The following USH2A variants were observed in gnomAD, a reference collection of about 807,000 sequenced individuals.
The protein encoded by USH2A is usherin.
Under a neutral mutation model 538.9 loss-of-function variants are expected in USH2A, and 443 were observed. The observed-to-expected ratio is 0.82, with a 90% CI of 0.76 to 0.89. The LOEUF (loss-of-function observed/expected upper bound fraction) is 0.89, where lower values mean the gene tolerates loss of function less well. Among genes scored for constraint, USH2A ranks in the 40% least tolerant of loss-of-function variants. USH2A has a pLI of 0.00. For synonymous variants in USH2A, 2,413 were observed against 2,273.5 expected (o/e 1.06, Z -1.75); for missense variants, 6,633 against 6,324.8 (o/e 1.05, Z -1.65).
intron 58 of USH2A, among the ~76,000 whole-genome samples, chr1:215,748,887 A>G (rs1477014182): frequency 1.3e-5 from 2 of 152,224 alleles, no homozygotes; most frequent in Non-Finnish European, 2.9e-5. Flanking sequence ...TGACATCTCT[A>G]CAAGACAAAA....
At position 216,394,173 on chromosome 1, in the gene USH2A, A is replaced by G. The variant is rs1355648012; in HGVS notation, c.651+24341T>C. Among the ~76,000 whole-genome samples, 3 of 150,234 alleles carry G rather than the reference A, an allele frequency of 2.0e-5. No homozygotes were observed. The East Asian group carries it at 5.8e-4, about 29-fold the overall frequency. On this transcript the variant is annotated intron_variant, in intron 3 of 71. Coordinates refer to ENST00000307340, the MANE Select transcript of USH2A (RefSeq NM_206933.4). The stretch of plus-strand genomic sequence containing the variant: ...AGCTAAATAAATAAATGAAGTGGCC[A>G]TACCAAGTGCTGGCCAGGATGCAAA...
chr1:215,727,875 C>G (rs1191772065), intron 61 of USH2A, among the ~76,000 whole-genome samples, 155 bp downstream of exon 61: 1 of 152,172 alleles, frequency 6.6e-6, no homozygotes, highest in African/African-American at 2.4e-5. Flanking sequence ...AGTTCAGTAT[C>G]TTATCCCCGT....
chr1:215,739,564 T>A (rs1307674816), intron 60 of USH2A, among the ~76,000 whole-genome samples: 1 of 152,244 alleles, frequency 6.6e-6, no homozygotes, highest in Non-Finnish European at 1.5e-5. Flanking sequence ...AGAAAACTAT[T>A]TCAAGAGGGT....
chr1:216,217,500 T>A lies in USH2A; in HGVS notation c.3044A>T (p.His1015Leu). The A allele has an allele frequency of 1.9e-6, 3 of 1,613,220 alleles. No individual in the cohort carries two copies. The highest frequency in any genetic ancestry group is 2.5e-6 in the Non-Finnish European group (3 of 1,179,460). The change falls in exon 15 of 72, where the codon CAC becomes CTC. Residue 1015 changes from histidine (H) to leucine (L), a missense_variant. Physicochemically the swap from His to Leu is moderately conservative, Grantham distance 99 (BLOSUM62 -3). Coordinates refer to ENST00000307340, the MANE Select transcript of USH2A (RefSeq NM_206933.4). ...ACAGAAACACTGGCCTGTGACCAAG[T>A]GACAGGTTTCATTCAAGGCTCCTGA... is the stretch of plus-strand genomic sequence containing the variant. ...HLSGALNETC[H>L]LVTGQCFCKQ...
At chr1:216,392,303 C>G (rs767677168) in intron 3 of USH2A, among the ~76,000 whole-genome samples, 4 of 152,058 alleles carry the variant, frequency 2.6e-5, no homozygotes, top group Admixed American at 1.3e-4. Flanking sequence ...TCCCGACCAT[C>G]CTGACTAACA....
At chr1:216,182,117 G>A (rs1278016021) in intron 20 of USH2A, among the ~76,000 whole-genome samples, 3 of 151,970 alleles carry the variant, frequency 2.0e-5, no homozygotes. Flanking sequence ...TGTCCATGTG[G>A]GAGAAAATTT....
intron 27 of USH2A, among the ~76,000 whole-genome samples, chr1:216,076,886 G>C (rs373913564): frequency 6.6e-6 from 1 of 152,188 alleles, no homozygotes; most frequent in African/African-American, 2.4e-5. Flanking sequence ...CACGTGGGAG[G>C]GTGCTTGGTC....
chr1:216,308,922 T>A (rs1369411600), intron 9 of USH2A, among the ~76,000 whole-genome samples: 2 of 152,228 alleles, frequency 1.3e-5, no homozygotes, highest in Non-Finnish European at 2.9e-5. Context: ...TCAGCACAAG[T>A]ACCATGCTGA....
intron 7 of USH2A, 139 bp from the exon 8 acceptor site, chr1:216,323,834 T>G: frequency 1.2e-6 from 1 of 816,092 alleles, no homozygotes; most frequent in Non-Finnish European, 2.0e-6. Context: ...TTCCATATAT[T>G]TCATATATAA....
At chr1:216,246,178 C>A (rs1208583848) in intron 13 of USH2A, among the ~76,000 whole-genome samples, 1 of 152,212 alleles carries the variant, frequency 6.6e-6, no homozygotes, top group East Asian at 1.9e-4. Flanking sequence ...AAACATTTAG[C>A]CAGCTTTATT....
chr1:215,815,413 T>C (rs930033888), intron 48 of USH2A, among the ~76,000 whole-genome samples: 5 of 152,030 alleles, frequency 3.3e-5, no homozygotes, highest in African/African-American at 1.2e-4. Flanking sequence ...ATGATTTTTT[T>C]TTTTTTGTAG....
chr1:216,184,003 C>T (rs2034543173), intron 20 of USH2A, among the ~76,000 whole-genome samples: 2 of 151,880 alleles, frequency 1.3e-5, no homozygotes, highest in Non-Finnish European at 1.5e-5. Flanking sequence ...AACAAACAAA[C>T]AAAAAACCTT....
chr1:215,973,612 C>T (rs751197598), intron 35 of USH2A, among the ~76,000 whole-genome samples: 2 of 151,430 alleles, frequency 1.3e-5, no homozygotes, highest in Non-Finnish European at 2.9e-5. Context: ...CTTCTACATC[C>T]TCTCTCAGTG....
At chr1:215,880,666 G>T (rs1262104784) in intron 41 of USH2A, among the ~76,000 whole-genome samples, 3 of 152,148 alleles carry the variant, frequency 2.0e-5, no homozygotes, top group African/African-American at 7.2e-5. Context: ...AACTCAGAGA[G>T]CTTCCTGGTA....
Position 216,201,206 on chromosome 1 carries a change from C to A in USH2A, c.3317-1085G>T, listed in dbSNP as rs189550564. 2.2e-3 allele frequency among the ~76,000 whole-genome samples: 331 copies of A among 151,662 alleles called. 1 individual carries two copies. Among genetic ancestry groups the A allele is most frequent in the Middle Eastern group, 3.4e-3 (1 of 292 alleles). On this transcript the variant is annotated intron_variant, in intron 16 of 71. Coordinates refer to ENST00000307340, the MANE Select transcript of USH2A (RefSeq NM_206933.4). ...TTGCTCTCCCCCAGCCTATCCCCAT[C>A]GGCAACTTTCATTTCTTTCCTGGAT...
intron 30 of USH2A, among the ~76,000 whole-genome samples, chr1:216,061,042 T>G (rs937339441): frequency 7.9e-5 from 12 of 152,156 alleles, no homozygotes; most frequent in Admixed American, 3.3e-4. Context: ...GGAATGAACC[T>G]TAAAGAACTC....
intron 21 of USH2A, among the ~76,000 whole-genome samples, chr1:216,123,350 T>C (rs888445471): frequency 5.3e-5 from 8 of 152,218 alleles, no homozygotes; most frequent in South Asian, 2.1e-4. Flanking sequence ...AAGCATTTGC[T>C]GATCAGGCAA....
intron 71 of USH2A, among the ~76,000 whole-genome samples, chr1:215,627,413 C>CTTCCTTCCTTCT (rs1558027236): frequency 9.2e-6 from 1 of 109,086 alleles, no homozygotes; most frequent in African/African-American, 3.5e-5. Context: ...TCCTTCCTTC[C>CTTCCTTCCTTCT]TTCCTTCCTT....
At chr1:216,208,516 T>C (rs1365240769) in intron 15 of USH2A, among the ~76,000 whole-genome samples, 1 of 152,032 alleles carries the variant, frequency 6.6e-6, no homozygotes, top group Non-Finnish European at 1.5e-5. Flanking sequence ...TCAAAAAAAG[T>C]AACTTGGGGA....
Sources: allele counts gnomAD v4.1 joint callset (sites outside exome capture counted in the v4.1 genomes callset), GRCh38; gene constraint gnomAD v4.1.1; transcripts MANE v1.5; gene names NCBI Gene and HGNC (gene_info 2026-07-23, HGNC 2026-07-21).